AGBL1: variants seen among roughly 807,000 people sequenced by gnomAD.
AGBL1 encodes AGBL carboxypeptidase 1, also known as cytosolic carboxypeptidase 4.
Under a neutral mutation model 118.9 loss-of-function variants are expected in AGBL1, and 130 were observed. The ratio of observed to expected loss-of-function variants is 1.09; its 90% confidence interval spans 0.95 to 1.26. AGBL1 has a LOEUF of 1.26. Among genes scored for constraint, AGBL1 ranks in the 50% most tolerant of loss-of-function variants. The probability of loss-of-function intolerance (pLI) is 0.00; values close to 1 mark genes in which losing one functional copy is unlikely to be tolerated. For missense variants in AGBL1, 1,584 were observed against 1,298.1 expected, an observed-to-expected ratio of 1.22 and a Z score of -3.38; for synonymous variants, 555 against 478.9, an observed-to-expected ratio of 1.16 and a Z score of -2.08.
At chr15:86,874,255 G>GA (rs1397557032) in intron 22 of AGBL1, among the ~76,000 whole-genome samples, 1 of 151,752 alleles carries the variant, frequency 6.6e-6, no homozygotes, top group African/African-American at 2.4e-5. Flanking sequence ...TTAAATAAAA[G>GA]AAAAAAATAA....
chr15:86,882,395 A>G (rs2079906984), intron 22 of AGBL1, among the ~76,000 whole-genome samples: 1 of 152,180 alleles, frequency 6.6e-6, no homozygotes. Flanking sequence ...TCTTTGTAAT[A>G]TCAATTGAAT....
chr15:86,278,063 T>C (rs2079286259), intron 15 of AGBL1, among the ~76,000 whole-genome samples: 1 of 152,254 alleles, frequency 6.6e-6, no homozygotes. Flanking sequence ...GTAACTTGCA[T>C]GCTTTCCGAG....
chr15:86,993,445 T>C (rs1031219187), intron 24 of AGBL1, among the ~76,000 whole-genome samples: 3 of 152,208 alleles, frequency 2.0e-5, no homozygotes, highest in Admixed American at 6.5e-5. Context: ...GTATTATGAA[T>C]AGGCAGCTGA....
Position 86,485,881 on chromosome 15 carries a change from C to T in AGBL1, c.2556-36929C>T, listed in dbSNP as rs900370424. On this transcript the variant is annotated intron_variant, in intron 18 of 22. Coordinates refer to ENST00000614907, the MANE Select transcript of AGBL1 (RefSeq NM_001386094.1). Reference sequence around the variant, plus strand: ...AAAGGTTTAAACTTTGAAATCACACCCAAAGCTCTTCACAAACCTTGACCA... The same window carrying T: ...AAAGGTTTAAACTTTGAAATCACACTCAAAGCTCTTCACAAACCTTGACCA... Among the ~76,000 whole-genome samples the T allele has an allele frequency of 2.0e-5, 3 of 152,028 alleles. 1 individual carries two copies. The highest frequency in any genetic ancestry group is 7.2e-5 in the African/African-American group (3 of 41,424).
intron 18 of AGBL1, among the ~76,000 whole-genome samples, chr15:86,415,875 A>G (rs60122781): frequency 0.033 from 5,055 of 152,288 alleles, 281 homozygotes; most frequent in African/African-American, 0.12. Context: ...ATTCACATTT[A>G]TAGTTAAGAC....
chr15:86,901,489 C>A (rs955096839), intron 22 of AGBL1, among the ~76,000 whole-genome samples: 2 of 151,924 alleles, frequency 1.3e-5, no homozygotes, highest in Non-Finnish European at 1.5e-5. Context: ...GTCTTCATTT[C>A]CAACTTTCTT....
At chr15:86,857,488 G>A (rs1048451507) in intron 22 of AGBL1, among the ~76,000 whole-genome samples, 15 of 152,116 alleles carry the variant, frequency 9.9e-5, no homozygotes, top group African/African-American at 3.1e-4. Flanking sequence ...CTTTTCCCAT[G>A]TGACTCCCTC....
chr15:86,804,599 A>C (rs775311142), intron 22 of AGBL1, among the ~76,000 whole-genome samples: 1 of 152,186 alleles, frequency 6.6e-6, no homozygotes, highest in Non-Finnish European at 1.5e-5. Flanking sequence ...ATTTAATGTG[A>C]TCCTAAACTA....
Position 86,264,727 on chromosome 15 carries a change from G to T in AGBL1, c.1556G>T (p.Arg519Ile). 1 of 1,614,050 alleles carries T rather than the reference G, an allele frequency of 6.2e-7. No homozygotes were observed. Among genetic ancestry groups the T allele is most frequent in the Non-Finnish European group, 8.5e-7 (1 of 1,179,900 alleles). The part of the protein sequence containing the change: ...HDPYLYMAKA[R>I]RTSSVVDFKM... ...CCCTATCTTTATATGGCCAAAGCCA[G>T]AAGAACCAGCTCTGTGGTGGACTTC... Residue 519 changes from arginine (R) to isoleucine (I), a missense_variant, in exon 11 of 23, where the codon AGA becomes ATA. Transcript: ENST00000614907.
chr15:86,869,810 A>G lies in AGBL1; in HGVS notation c.3159-37277A>G, dbSNP rs2079693523. ...ACCTTATCCCAAGTGGCCCAAGTCT[A>G]AGCTTGATCATCTCTTGAGATCCTT... On this transcript the variant is annotated intron_variant, in intron 22 of 22. Transcript: ENST00000614907. Among the ~76,000 whole-genome samples the G allele has an allele frequency of 2.6e-5, 4 of 152,310 alleles. No homozygotes were observed. The South Asian group carries it at 8.3e-4, about 32-fold the overall frequency.
chr15:86,754,934 A>C (rs929000838), intron 22 of AGBL1, among the ~76,000 whole-genome samples: 1 of 151,746 alleles, frequency 6.6e-6, no homozygotes, highest in Non-Finnish European at 1.5e-5. Flanking sequence ...TTTCGATTTC[A>C]TTTTCTTCCC....
chr15:86,741,414 A>AAAAAAAAAAAAAAAAAAAAAC (rs1452405568), intron 22 of AGBL1, among the ~76,000 whole-genome samples: 1 of 133,928 alleles, frequency 7.5e-6, no homozygotes, highest in South Asian at 2.4e-4. Context: ...AAAAAAAAAA[A>AAAAAAAAAAAAAAAAAAAAAC]AAAAAAAGAA....
chr15:86,415,378 T>C (rs770983080), intron 18 of AGBL1, among the ~76,000 whole-genome samples: 15 of 152,162 alleles, frequency 9.9e-5, no homozygotes, highest in Non-Finnish European at 1.9e-4. Flanking sequence ...GTATCTGCTG[T>C]GCTTCAGTTT....
intron 22 of AGBL1, among the ~76,000 whole-genome samples, chr15:86,895,240 C>T (rs969101316): frequency 1.3e-5 from 2 of 149,450 alleles, no homozygotes; most frequent in African/African-American, 4.9e-5. Context: ...TTCTTTTTTT[C>T]TCATTAAAAT....
At chr15:86,587,757 A>G (rs1352672119) in intron 21 of AGBL1, among the ~76,000 whole-genome samples, 2 of 152,218 alleles carry the variant, frequency 1.3e-5, no homozygotes, top group African/African-American at 4.8e-5. Context: ...CAACCGCAGA[A>G]AGTGACCAAG....
intron 23 of AGBL1, among the ~76,000 whole-genome samples, chr15:86,929,994 G>C (rs552607293): frequency 6.6e-6 from 1 of 152,242 alleles, no homozygotes; most frequent in South Asian, 2.1e-4. Context: ...ACATAGGTAG[G>C]TGTGTGTAAA....
At chr15:86,236,758 G>GA (rs1337543196) in intron 6 of AGBL1, among the ~76,000 whole-genome samples, 1 of 152,018 alleles carries the variant, frequency 6.6e-6, no homozygotes. Context: ...GAGTGCGGCA[G>GA]AAATCAGCTG....
intron 21 of AGBL1, among the ~76,000 whole-genome samples, chr15:86,636,816 C>T (rs552055558): frequency 2.7e-4 from 38 of 138,860 alleles, no homozygotes; most frequent in African/African-American, 9.8e-4. Flanking sequence ...TTAACTGAAA[C>T]ACTGTGACAT....
chr15:86,755,944 T>A (rs1417745795), intron 22 of AGBL1, among the ~76,000 whole-genome samples: 3 of 152,056 alleles, frequency 2.0e-5, no homozygotes, highest in Non-Finnish European at 2.9e-5. Flanking sequence ...CTAAAAGATA[T>A]CCATTAAAGT....
Sources: gnomAD v4.1 joint callset for allele counts (sites outside exome capture counted in the v4.1 genomes callset) on GRCh38, gnomAD v4.1.1 for gene constraint, MANE v1.5 for transcripts, NCBI Gene and HGNC (gene_info 2026-07-23, HGNC 2026-07-21) for gene names.